C2orf49: variants seen among roughly 807,000 people sequenced by gnomAD.
C2orf49 encodes the protein tRNA splicing ligase complex subunit 2.
C2orf49 carries 11 observed loss-of-function variants against 20.6 expected under a neutral mutation model. The observed-to-expected ratio is 0.53, with a 90% CI of 0.34 to 0.88. The LOEUF is 0.88. Among genes scored for constraint, C2orf49 ranks in the 40% least tolerant of loss-of-function variants. The pLI is 0.02. For missense variants in C2orf49, 289 were observed against 274.2 expected (o/e 1.05, Z -0.38); for synonymous variants, 134 against 108.5 (o/e 1.24, Z -1.46).
At chr2:105,363,529 C>A in the C2orf49 span, 2 of 1,464,704 alleles carry the variant, frequency 1.4e-6, no homozygotes, top group South Asian at 2.6e-5. Context: ...CATCTTCAGT[C>A]TCAGCTACTG....
In C2orf49 at chr2:105,349,161, ATAT is replaced by A. The variant is rs1250642957; in HGVS notation, c.*3797_*3799del. 2.0e-5 allele frequency: 3 copies of A among 152,244 alleles called. No individual in the cohort carries two copies. The highest frequency in any genetic ancestry group is 4.4e-5 in the Non-Finnish European group (3 of 68,046). The allele number at this position is 152,244 out of a possible 1,614,324, so 9.4% of individuals were successfully genotyped here. A position where few individuals can be genotyped will look rare whatever the true frequency, so the allele number is the denominator to read the frequency against. ...AGTTAATTTCTAAACTGCTATCTTAATATTATTATATTTGGAGACTGATGCTGT... is the reference window on the plus strand; with the variant it reads ...AGTTAATTTCTAAACTGCTATCTTAATATTATATTTGGAGACTGATGCTGT... On this transcript the variant is annotated 3_prime_UTR_variant, in exon 4 of 4. Coordinates refer to ENST00000258457, the MANE Select transcript of C2orf49 (RefSeq NM_024093.3).
chr2:105,351,119 T>C (rs1285088352), downstream of C2orf49, among the ~76,000 whole-genome samples: 1 of 152,162 alleles, frequency 6.6e-6, no homozygotes, highest in South Asian at 2.1e-4. Context: ...ATGACTAGAC[T>C]GGGGCTATGT....
At chr2:105,368,334 GT>G in the C2orf49 span, among the ~76,000 whole-genome samples, 51 of 151,728 alleles carry the variant, frequency 3.4e-4, 1 homozygote, top group South Asian at 1.9e-3. Flanking sequence ...CCTACATGTA[GT>G]TTTTTTTTGT....
chr2:105,344,090 G>A (rs1175735849), intron 3 of C2orf49, among the ~76,000 whole-genome samples: 1 of 152,132 alleles, frequency 6.6e-6, no homozygotes, highest in Non-Finnish European at 1.5e-5. Context: ...AATCCTTTCA[G>A]TAACTATGAA....
the C2orf49 span, among the ~76,000 whole-genome samples, chr2:105,369,378 T>G: frequency 6.6e-6 from 1 of 152,226 alleles, no homozygotes; most frequent in South Asian, 2.1e-4. Flanking sequence ...ATGAAATGTC[T>G]GTCCTCCAGT....
chr2:105,339,623 A>G lies in C2orf49; in HGVS notation c.140A>G (p.Asp47Gly). Reference protein sequence around the residue: ...AVETDVRVNKDSLTDLYVQHA... With the variant: ...AVETDVRVNKGSLTDLYVQHA... Reference sequence around the variant, plus strand: ...GAAACTGATGTAAGAGTAAACAAAGACAGTCTTACTGACCTTTATGTCCAA... The same window carrying G: ...GAAACTGATGTAAGAGTAAACAAAGGCAGTCTTACTGACCTTTATGTCCAA... Residue 47 changes from aspartate to glycine, a missense_variant, in exon 2 of 4, where the codon GAC becomes GGC. Coordinates refer to ENST00000258457, the MANE Select transcript of C2orf49 (RefSeq NM_024093.3). 6.2e-7 allele frequency: 1 copy of G among 1,603,756 alleles called. No individual in the cohort carries two copies. The highest frequency in any genetic ancestry group is 8.5e-7 in the Non-Finnish European group (1 of 1,177,852).
the C2orf49 span, chr2:105,378,310 T>C: frequency 2.5e-6 from 1 of 407,554 alleles, no homozygotes; most frequent in East Asian, 7.3e-5. Context: ...GGACTAAGCA[T>C]CCATGCAAGA....
At chr2:105,355,748 A>G in the C2orf49 span, among the ~76,000 whole-genome samples, 1 of 151,350 alleles carries the variant, frequency 6.6e-6, no homozygotes, top group Non-Finnish European at 1.5e-5. Context: ...GTTCTAAGTT[A>G]TATAGCTCAG....
At chr2:105,371,020 C>T in the C2orf49 span, among the ~76,000 whole-genome samples, 63 of 152,238 alleles carry the variant, frequency 4.1e-4, no homozygotes, top group Non-Finnish European at 6.9e-4. Context: ...AAGAGGCTGC[C>T]GGCCAGTTAA....
At chr2:105,341,067 T>C (rs1162989189) in intron 2 of C2orf49, among the ~76,000 whole-genome samples, 2 of 152,256 alleles carry the variant, frequency 1.3e-5, no homozygotes, top group South Asian at 4.1e-4. Context: ...GCATTTTAGA[T>C]TGACCATTTT....
chr2:105,349,506 G>A (rs1679890003), downstream of C2orf49, among the ~76,000 whole-genome samples: 1 of 152,182 alleles, frequency 6.6e-6, no homozygotes, highest in Admixed American at 6.5e-5. Flanking sequence ...ACTAACTAAA[G>A]TGCATTGCTT....
chr2:105,367,870 C>T, the C2orf49 span: 2 of 842,022 alleles, frequency 2.4e-6, no homozygotes, highest in Non-Finnish European at 1.8e-6. Flanking sequence ...CTTGAAGGCT[C>T]GCCTCTACAT....
At chr2:105,367,331 TAGA>T in the C2orf49 span, among the ~76,000 whole-genome samples, 1 of 152,216 alleles carries the variant, frequency 6.6e-6, no homozygotes, top group Non-Finnish European at 1.5e-5. Flanking sequence ...AGAAATGGTC[TAGA>T]AGAAGGCAGG....
intron 3 of C2orf49, among the ~76,000 whole-genome samples, chr2:105,343,539 A>G (rs1189055094): frequency 6.6e-6 from 1 of 152,246 alleles, no homozygotes; most frequent in African/African-American, 2.4e-5. Context: ...ACAGATAAAT[A>G]TTCCTTTATT....
chr2:105,384,718 G>A, the C2orf49 span, among the ~76,000 whole-genome samples: 2 of 152,238 alleles, frequency 1.3e-5, no homozygotes, highest in Non-Finnish European at 2.9e-5. Flanking sequence ...ATGTTGGCCA[G>A]GCTGGTCTCG....
chr2:105,351,308 A>AC (rs1679926661), downstream of C2orf49, among the ~76,000 whole-genome samples: 5 of 39,036 alleles, frequency 1.3e-4, no homozygotes, highest in East Asian at 7.6e-4. Context: ...ATTTTTGCCC[A>AC]CCGCGCCCCC....
chr2:105,367,832 T>TATAAGG, the C2orf49 span: 2 of 1,341,690 alleles, frequency 1.5e-6, no homozygotes, highest in Non-Finnish European at 2.0e-6. Flanking sequence ...GCCCTCTAGT[T>TATAAGG]TTATGACCAG....
chr2:105,344,019 T>C (rs1679745664), intron 3 of C2orf49, among the ~76,000 whole-genome samples: 2 of 152,118 alleles, frequency 1.3e-5, no homozygotes, highest in Non-Finnish European at 2.9e-5. Flanking sequence ...TCTAAAATAG[T>C]AGACTGGAAA....
At chr2:105,384,303 A>G in the C2orf49 span, among the ~76,000 whole-genome samples, 5 of 152,198 alleles carry the variant, frequency 3.3e-5, no homozygotes, top group African/African-American at 1.2e-4. Context: ...TGTTTCCAAA[A>G]TGAAAAGCGA....
Sources: allele counts gnomAD v4.1 joint callset (sites outside exome capture counted in the v4.1 genomes callset), GRCh38; gene constraint gnomAD v4.1.1; transcripts MANE v1.5; gene names NCBI Gene and HGNC (gene_info 2026-07-23, HGNC 2026-07-21).